The following GATB variants were observed in gnomAD, a reference collection of about 807,000 sequenced individuals.
GATB encodes the protein glutamyl-tRNA amidotransferase subunit B.
A neutral mutation model predicts 62.3 loss-of-function variants in GATB; 39 were observed. The ratio of observed to expected loss-of-function variants is 0.63; its 90% confidence interval spans 0.48 to 0.82. The LOEUF is 0.82. GATB is among the 40% of genes least tolerant of loss of function. GATB has a pLI of 0.00. For missense variants in GATB, 670 were observed against 684.0 expected (o/e 0.98, Z 0.23); for synonymous variants, 276 against 258.9 (o/e 1.07, Z -0.63).
chr4:151,680,477 C>T (rs1352538591), intron 10 of GATB, among the ~76,000 whole-genome samples: 1 of 152,136 alleles, frequency 6.6e-6, no homozygotes, highest in African/African-American at 2.4e-5. Context: ...GCCTAGAATC[C>T]ACTATACCTA....
At chr4:151,699,326 T>C (rs1273922238) in intron 9 of GATB, among the ~76,000 whole-genome samples, 3 of 151,260 alleles carry the variant, frequency 2.0e-5, no homozygotes, top group African/African-American at 7.3e-5. Flanking sequence ...GAGGCAGAGG[T>C]TGCAGTGAGC....
intron 2 of GATB, among the ~76,000 whole-genome samples, chr4:151,757,906 A>C (rs1739869557): frequency 6.6e-6 from 1 of 152,190 alleles, no homozygotes; most frequent in South Asian, 2.1e-4. Flanking sequence ...AACCCCAAAC[A>C]CAGTTGATAT....
chr4:151,692,875 T>C (rs906929587), intron 9 of GATB, among the ~76,000 whole-genome samples: 1 of 152,252 alleles, frequency 6.6e-6, no homozygotes, highest in African/African-American at 2.4e-5. Context: ...GAGCAGGTCA[T>C]GCCTGTGATG....
In GATB at chr4:151,688,736, G is replaced by A. The variant is rs766116675; in HGVS notation, c.1225C>T (p.Gln409Ter). 1.2e-6 allele frequency: 2 copies of A among 1,607,028 alleles called. No homozygotes were observed. The highest frequency in any genetic ancestry group is 1.1e-5 in the South Asian group (1 of 89,120). Residue 409 changes from glutamine to a stop codon, truncating the protein, a stop_gained, in exon 10 of 13, where the codon CAA (glutamine) becomes TAA (stop). Transcript: ENST00000263985. LOFTEE classifies it high-confidence loss of function. ...GCCCTAGTTTCTTTTATCACATTTTGGAAGAACTCCAGTAGGCCGACTTCG... is the reference window on the plus strand; with the variant it reads ...GCCCTAGTTTCTTTTATCACATTTTAGAAGAACTCCAGTAGGCCGACTTCG... Reference protein sequence around the residue: ...LNEVGLLEFFQNVIKETRAEP... With the variant: ...LNEVGLLEFF
intron 5 of GATB, among the ~76,000 whole-genome samples, chr4:151,708,853 A>C (rs540329194): frequency 1.3e-5 from 2 of 152,312 alleles, no homozygotes; most frequent in South Asian, 4.1e-4. Context: ...AACAAGCCCT[A>C]AAGAAGCAGG....
intron 3 of GATB, among the ~76,000 whole-genome samples, chr4:151,718,450 T>C (rs1401965092): frequency 6.6e-6 from 1 of 152,178 alleles, no homozygotes; most frequent in East Asian, 1.9e-4. Context: ...ATTTTAGTCA[T>C]ATTATTACTA....
At chr4:151,735,736 G>GTATATATATATATATATATA (rs137893198) in intron 2 of GATB, among the ~76,000 whole-genome samples, 4 of 104,064 alleles carry the variant, frequency 3.8e-5, no homozygotes, top group East Asian at 2.8e-4. Flanking sequence ...AAACTGTGGT[G>GTATATATATATATATATATA]TATATATATA....
chr4:151,679,993 A>G lies in GATB; in HGVS notation c.1332-102T>C, dbSNP rs1578895590. The stretch of plus-strand genomic sequence containing the variant: ...AACACTTGCTCTAGTGGGGGTAAAT[A>G]TCGGACCCACGCCTAGGGATGAAAA... On this transcript the variant is annotated intron_variant, in intron 10 of 12. Transcript: ENST00000263985. 6 of 1,007,312 alleles carry G rather than the reference A, an allele frequency of 6.0e-6. No homozygotes were observed. In the East Asian group the frequency reaches 1.4e-4, roughly 24 times the overall value. 62.4% of individuals were successfully genotyped at this position (1,007,312 alleles called of 1,614,324 possible).
At chr4:151,679,555 G>A (rs1175944221) in intron 11 of GATB, among the ~76,000 whole-genome samples, 1 of 152,168 alleles carries the variant, frequency 6.6e-6, no homozygotes, top group Non-Finnish European at 1.5e-5. Context: ...CATGTCAGGC[G>A]GAGATGTTCA....
At position 151,760,792 on chromosome 4, in the gene GATB, T is replaced by C. The variant is rs1475622663; in HGVS notation, c.176+15A>G. 1 of 1,580,398 alleles carries C rather than the reference T, an allele frequency of 6.3e-7. No individual in the cohort carries two copies. Among genetic ancestry groups the C allele is most frequent in the East Asian group, 2.3e-5 (1 of 43,576 alleles). ...CCTCACAGTTAGGTGGGCAGAAATG[T>C]ATGAAACAGAATACCCTTTCCTCGT... On this transcript the variant is annotated intron_variant, in intron 1 of 12. Transcript: ENST00000263985.
Position 151,760,955 on chromosome 4 carries a change from A to T in GATB, c.28T>A (p.Cys10Ser). Reference protein sequence around the residue: MAAPMLRWGCRGRRWAFARV... With the variant: MAAPMLRWGSRGRRWAFARV... ...GCGAAAGCCCAACGTCTTCCACGGC[A>T]GCCCCAGCGCAGCATGGGCGCCGCC... The change falls in exon 1 of 13, where the codon TGC becomes AGC. Residue 10 changes from cysteine to serine, a missense_variant. By Grantham distance (112) the Cys-to-Ser change is moderately radical. Coordinates refer to ENST00000263985, the MANE Select transcript of GATB (RefSeq NM_004564.3). 6.2e-7 allele frequency: 1 copy of T among 1,613,128 alleles called. No individual in the cohort carries two copies. Among genetic ancestry groups the T allele is most frequent in the East Asian group, 2.2e-5 (1 of 44,874 alleles).
At chr4:151,682,377 C>T (rs1578897232) in intron 10 of GATB, among the ~76,000 whole-genome samples, 1 of 152,282 alleles carries the variant, frequency 6.6e-6, no homozygotes, top group African/African-American at 2.4e-5. Flanking sequence ...CACTCATCGC[C>T]TAAATAAATA....
At chr4:151,681,603 G>A (rs1304633658) in intron 10 of GATB, among the ~76,000 whole-genome samples, 1 of 152,176 alleles carries the variant, frequency 6.6e-6, no homozygotes, top group Admixed American at 6.5e-5. Context: ...AGGTGGAACT[G>A]GATTTCTTGA....
At chr4:151,703,610 A>C (rs1208444418) in intron 8 of GATB, 4 of 552,226 alleles carry the variant, frequency 7.2e-6, no homozygotes, top group Non-Finnish European at 1.3e-5. Flanking sequence ...TGGATGAACA[A>C]GTTCTTCCAA....
intron 10 of GATB, among the ~76,000 whole-genome samples, chr4:151,681,412 CA>C (rs1738134707): frequency 6.6e-6 from 1 of 151,064 alleles, no homozygotes; most frequent in Non-Finnish European, 1.5e-5. Flanking sequence ...GATTAAACCT[CA>C]AAAGGAAGAG....
In GATB at chr4:151,705,227, C is replaced by T. The variant is rs1738691901; in HGVS notation, c.920G>A (p.Gly307Asp). The change falls in exon 7 of 13, where the codon GGT (glycine) becomes GAT (aspartate). Residue 307 changes from glycine to aspartate, a missense_variant. Gly to Asp is a moderately conservative substitution (Grantham distance 94). Transcript: ENST00000263985. The part of the protein sequence containing the change: ...QRQINELENG[G>D]EILNETRSFH... ...TGAGCGTGTTTCGTTCAGAATTTCACCTCCATTCTCAAGTTCATTGATTTG... is the reference window on the plus strand; with the variant it reads ...TGAGCGTGTTTCGTTCAGAATTTCATCTCCATTCTCAAGTTCATTGATTTG... 1.8e-5 allele frequency: 29 copies of T among 1,613,524 alleles called. No homozygotes were observed. Among genetic ancestry groups the T allele is most frequent in the Non-Finnish European group, 2.5e-5 (29 of 1,179,522 alleles).
chr4:151,727,408 C>A (rs979226467), intron 2 of GATB, among the ~76,000 whole-genome samples: 1 of 152,232 alleles, frequency 6.6e-6, no homozygotes, highest in Non-Finnish European at 1.5e-5. Context: ...AGGCCAATGG[C>A]CCAACTGCTA....
chr4:151,716,617 T>C (rs1738917880), intron 4 of GATB, among the ~76,000 whole-genome samples: 2 of 152,212 alleles, frequency 1.3e-5, no homozygotes, highest in South Asian at 4.1e-4. Context: ...GCTTAAAATA[T>C]CCAGCTGCTG....
At chr4:151,689,591 T>C (rs2126961468) in intron 9 of GATB, among the ~76,000 whole-genome samples, 1 of 152,272 alleles carries the variant, frequency 6.6e-6, no homozygotes, top group South Asian at 2.1e-4. Flanking sequence ...TGCTGGGCCA[T>C]GGCAGCTGCT....
Sources: gnomAD v4.1 joint callset for allele counts (sites outside exome capture counted in the v4.1 genomes callset) on GRCh38, gnomAD v4.1.1 for gene constraint, MANE v1.5 for transcripts, NCBI Gene and HGNC (gene_info 2026-07-23, HGNC 2026-07-21) for gene names.